Variants in TAFA2 observed in about 807,000 individuals in gnomAD.
TAFA2 encodes TAFA chemokine like family member 2.
TAFA2 carries 7 observed loss-of-function variants against 18.8 expected under a neutral mutation model. That is an observed-to-expected ratio of 0.37 (90% CI 0.21 to 0.70). The LOEUF (loss-of-function observed/expected upper bound fraction) is 0.70. TAFA2 is among the 30% of genes least tolerant of loss of function. The pLI is 0.53. For missense variants in TAFA2, 122 were observed against 158.1 expected (o/e 0.77, Z 1.23); for synonymous variants, 60 against 54.2 (o/e 1.11, Z -0.47).
intron 1 of TAFA2, among the ~76,000 whole-genome samples, chr12:61,936,831 A>G (rs1877789397): frequency 6.6e-6 from 1 of 152,204 alleles, no homozygotes; most frequent in Admixed American, 6.5e-5. Context: ...ACCATGCAAG[A>G]GAAAGAAATG....
chr12:61,977,366 G>C (rs1188369931), intron 1 of TAFA2, among the ~76,000 whole-genome samples: 1 of 151,956 alleles, frequency 6.6e-6, no homozygotes, highest in East Asian at 1.9e-4. Context: ...TTTCCTGATA[G>C]TCTATGCTTT....
intron 1 of TAFA2, among the ~76,000 whole-genome samples, chr12:61,896,928 T>A (rs1361963039): frequency 6.6e-6 from 1 of 152,194 alleles, no homozygotes; most frequent in African/African-American, 2.4e-5. Flanking sequence ...AGTTATCTGA[T>A]AACATGATAA....
chr12:62,208,282 G>C (rs1055665290), intron 1 of TAFA2, among the ~76,000 whole-genome samples: 2 of 152,002 alleles, frequency 1.3e-5, no homozygotes, highest in African/African-American at 4.8e-5. Context: ...TATGAACCAA[G>C]TGGCATCATA....
At chr12:61,887,277 T>C (rs143209719) in intron 1 of TAFA2, among the ~76,000 whole-genome samples, 174 of 152,304 alleles carry the variant, frequency 1.1e-3, no homozygotes, top group African/African-American at 4.2e-3. Flanking sequence ...TATGTCTACC[T>C]TGACAGCTTA....
intron 4 of TAFA2, among the ~76,000 whole-genome samples, chr12:61,744,450 T>A (rs1868604299): frequency 6.6e-6 from 1 of 152,152 alleles, no homozygotes; most frequent in Admixed American, 6.6e-5. Context: ...TTTTTTTGCA[T>A]TATTTTTCAA....
chr12:62,066,544 G>A (rs993757912), intron 1 of TAFA2, among the ~76,000 whole-genome samples: 1 of 151,752 alleles, frequency 6.6e-6, no homozygotes, highest in Admixed American at 6.6e-5. Flanking sequence ...CCACAAATAA[G>A]TGAGAGAACA....
intron 1 of TAFA2, among the ~76,000 whole-genome samples, chr12:62,229,847 T>TTTG (rs372113384): frequency 0.05 from 7,562 of 151,578 alleles, 227 homozygotes; most frequent in African/African-American, 0.069. Flanking sequence ...GTCCTGGATT[T>TTTG]TTGTTGTTGT....
intron 1 of TAFA2, among the ~76,000 whole-genome samples, chr12:62,206,726 C>T (rs764372227): frequency 2.0e-5 from 3 of 152,182 alleles, no homozygotes; most frequent in Non-Finnish European, 4.4e-5. Context: ...GGTCCTCCCA[C>T]CTTGGCCTCC....
intron 1 of TAFA2, among the ~76,000 whole-genome samples, chr12:62,233,216 G>A (rs2062820869): frequency 6.6e-6 from 1 of 151,180 alleles, no homozygotes; most frequent in Non-Finnish European, 1.5e-5. Context: ...GAGTAGGTGG[G>A]ACTATAGGTG....
intron 1 of TAFA2, among the ~76,000 whole-genome samples, chr12:61,980,914 A>C (rs951652953): frequency 5.3e-5 from 8 of 152,228 alleles, no homozygotes; most frequent in African/African-American, 1.7e-4. Context: ...TGCCATCTGC[A>C]TCAAGCTACC....
At chr12:62,195,277 T>A (rs1414971197), upstream of TAFA2, among the ~76,000 whole-genome samples, 1 of 152,190 alleles carries the variant, frequency 6.6e-6, no homozygotes, top group Non-Finnish European at 1.5e-5. Flanking sequence ...ATATTCAAAA[T>A]CCTTTGTTGT....
At chr12:61,831,050 T>C (rs1872702913) in intron 2 of TAFA2, among the ~76,000 whole-genome samples, 1 of 152,106 alleles carries the variant, frequency 6.6e-6, no homozygotes, top group Non-Finnish European at 1.5e-5. Flanking sequence ...AGACTAACAA[T>C]TTAGTTTTGA....
intron 1 of TAFA2, among the ~76,000 whole-genome samples, chr12:62,116,456 T>C (rs1050691648): frequency 6.6e-6 from 1 of 152,224 alleles, no homozygotes; most frequent in Non-Finnish European, 1.5e-5. Context: ...CAAACCTCCA[T>C]AAAGTATCTT....
chr12:62,072,231 G>C (rs191666951), intron 1 of TAFA2, among the ~76,000 whole-genome samples: 2 of 152,024 alleles, frequency 1.3e-5, no homozygotes, highest in Non-Finnish European at 2.9e-5. Context: ...TTGGAAGGCC[G>C]AGGCGGGCGG....
chr12:62,197,055 C>A (rs1175037452), upstream of TAFA2, among the ~76,000 whole-genome samples: 1 of 152,182 alleles, frequency 6.6e-6, no homozygotes, highest in African/African-American at 2.4e-5. Context: ...TAGATTCTCA[C>A]AGGAGCCTGA....
intron 2 of TAFA2, among the ~76,000 whole-genome samples, chr12:61,835,325 T>G (rs1206233985): frequency 3.9e-5 from 6 of 152,028 alleles, no homozygotes; most frequent in Admixed American, 2.0e-4. Context: ...TAATACCAAA[T>G]TTTGAGCACT....
At chr12:61,843,723 T>TAC (rs1315209693) in intron 2 of TAFA2, among the ~76,000 whole-genome samples, 3 of 152,160 alleles carry the variant, frequency 2.0e-5, no homozygotes, top group Non-Finnish European at 4.4e-5. Context: ...GATTCATATA[T>TAC]ACACACATAA....
At chr12:62,197,141 G>A (rs2062652303), upstream of TAFA2, among the ~76,000 whole-genome samples, 3 of 152,200 alleles carry the variant, frequency 2.0e-5, no homozygotes. Flanking sequence ...GATGATCTGA[G>A]GTGGGATGGT....
At chr12:61,953,627 G>T (rs12425309) in intron 1 of TAFA2, among the ~76,000 whole-genome samples, 4 of 152,074 alleles carry the variant, frequency 2.6e-5, no homozygotes, top group East Asian at 1.9e-4. Flanking sequence ...AGTGGCCTCG[G>T]TAAAGAAGAT....
Sources: allele counts gnomAD v4.1 joint callset (sites outside exome capture counted in the v4.1 genomes callset), GRCh38; gene constraint gnomAD v4.1.1; transcripts MANE v1.5; gene names NCBI Gene and HGNC (gene_info 2026-07-23, HGNC 2026-07-21).